Variants in BBS12 observed in about 807,000 individuals in gnomAD.
BBS12 encodes the protein Bardet-Biedl syndrome 12.
Under a neutral mutation model 5.6 loss-of-function variants are expected in BBS12, and 5 were observed. The observed-to-expected ratio is 0.89, with a 90% CI of 0.46 to 1.86. BBS12 has a LOEUF of 1.86. Ranked by LOEUF, BBS12 falls within the 40% of genes most tolerant of loss-of-function variation. The probability of loss-of-function intolerance (pLI) is 0.01; values close to 1 mark genes in which losing one functional copy is unlikely to be tolerated. For missense variants in BBS12, 748 were observed against 830.4 expected (o/e 0.90, Z 1.22); for synonymous variants, 308 against 306.8 (o/e 1.00, Z -0.04).
the BBS12 span, among the ~76,000 whole-genome samples, chr4:122,702,770 G>A: frequency 1.3e-5 from 2 of 152,300 alleles, no homozygotes; most frequent in South Asian, 2.1e-4. Flanking sequence ...AGGTCTGTAA[G>A]TCTGCCCTTC....
Position 122,743,666 on chromosome 4 carries a change from G to C in BBS12, c.1774G>C (p.Ala592Pro), listed in dbSNP as rs756497862. ...CAGACCAACTGTGCTTAAATTCCTG[G>C]CAAATGGATGGCAGAAATACCTTTC... ...IYRPTVLKFL[A>P]NGWQKYLSTL... is the part of the protein sequence containing the mutation. Residue 592 changes from alanine (A) to proline (P), a missense_variant, in exon 2 of 2, where the codon GCA becomes CCA. Ala to Pro is a conservative substitution (Grantham distance 27, BLOSUM62 -1). Coordinates refer to ENST00000314218, the MANE Select transcript of BBS12 (RefSeq NM_152618.3). The C allele has an allele frequency of 1.2e-6, 2 of 1,614,098 alleles. No homozygotes were observed. The highest frequency in any genetic ancestry group is 1.7e-6 in the Non-Finnish European group (2 of 1,180,014).
the BBS12 span, among the ~76,000 whole-genome samples, chr4:122,702,588 C>T: frequency 6.6e-6 from 1 of 152,304 alleles, no homozygotes; most frequent in South Asian, 2.1e-4. Context: ...GCATTGCAGG[C>T]TAAATGCCAT....
In BBS12 at chr4:122,743,939, G is replaced by C. The variant is rs961777240; in HGVS notation, c.2047G>C (p.Val683Leu). 1 of 1,612,076 alleles carries C rather than the reference G, an allele frequency of 6.2e-7. No homozygotes were observed. Among genetic ancestry groups the C allele is most frequent in the African/African-American group, 1.3e-5 (1 of 74,728 alleles). Residue 683 changes from valine to leucine, a missense_variant, in exon 2 of 2, where the codon GTA (valine) becomes CTA (leucine). Val to Leu is a conservative substitution (Grantham distance 32). Transcript: ENST00000314218. Reference protein sequence around the residue: ...WRRALDLVLLVLQTDSEIITG... With the variant: ...WRRALDLVLLLLQTDSEIITG... ...CCGAGCATTGGATTTAGTATTGTTA[G>C]TACTTCAGACAGACAGTGAAATAAT... is the stretch of plus-strand genomic sequence containing the variant.
intron 1 of BBS12, chr4:122,734,170 T>TAA (rs1800749471): frequency 6.6e-6 from 1 of 152,218 alleles, no homozygotes; most frequent in Admixed American, 6.5e-5. Flanking sequence ...AAATCCAAGA[T>TAA]AATTTTTGAG....
chr4:122,742,621 T>C lies in BBS12; in HGVS notation c.729T>C (p.Thr243=). The change falls in exon 2 of 2, where the codon ACT becomes ACC. Residue 243 remains threonine (T), a synonymous_variant. Coordinates refer to ENST00000314218, the MANE Select transcript of BBS12 (RefSeq NM_152618.3). ...GGCATTTTAATAGGACAGATAATAC[T>C]GAAGGGGTAAGCAAACCAGATGGAT... is the stretch of plus-strand genomic sequence containing the variant. The part of the protein sequence containing the change: ...HSRHFNRTDN[T]EGVSKPDGFQ... 1 of 1,614,210 alleles carries C rather than the reference T, an allele frequency of 6.2e-7. No individual in the cohort carries two copies. The highest frequency in any genetic ancestry group is 8.5e-7 in the Non-Finnish European group (1 of 1,180,032).
chr4:122,742,290 C>T lies in BBS12; in HGVS notation c.398C>T (p.Pro133Leu). 1 of 1,613,870 alleles carries T rather than the reference C, an allele frequency of 6.2e-7. No homozygotes were observed. The highest frequency in any genetic ancestry group is 8.5e-7 in the Non-Finnish European group (1 of 1,179,936). Residue 133 changes from proline to leucine, a missense_variant, in exon 2 of 2, where the codon CCT (proline) becomes CTT (leucine). Pro to Leu is a moderately conservative substitution (Grantham distance 98, BLOSUM62 -3). Transcript: ENST00000314218. ...CSEEVVSLHVPVHNIFDCMDS... is the reference protein window; with the variant it reads ...CSEEVVSLHVLVHNIFDCMDS... ...GAAGAGGTAGTTTCTCTTCATGTAC[C>T]TGTTCACAATATATTTGACTGTATG...
the BBS12 span, among the ~76,000 whole-genome samples, chr4:122,702,553 AGAG>A: frequency 6.6e-6 from 1 of 152,232 alleles, no homozygotes; most frequent in East Asian, 1.9e-4. Context: ...ATATTGGAAA[AGAG>A]GATGCTGGCT....
upstream of BBS12, chr4:122,731,399 C>G (rs576166951): frequency 7.2e-5 from 11 of 152,302 alleles, no homozygotes; most frequent in South Asian, 2.3e-3. Flanking sequence ...CTTCTCATTA[C>G]TACCCTGAAA....
the BBS12 span, among the ~76,000 whole-genome samples, chr4:122,726,436 T>C: frequency 4.6e-5 from 7 of 152,158 alleles, no homozygotes; most frequent in African/African-American, 1.7e-4. Context: ...GATGTTGGTG[T>C]GGATGCGGTG....
the BBS12 span, among the ~76,000 whole-genome samples, chr4:122,726,078 CT>C: frequency 6.6e-6 from 1 of 151,928 alleles, no homozygotes; most frequent in Non-Finnish European, 1.5e-5. Context: ...ATAGGTGGGA[CT>C]TAATTAAACT....
chr4:122,700,951 C>G, the BBS12 span, among the ~76,000 whole-genome samples: 4 of 152,164 alleles, frequency 2.6e-5, no homozygotes. Context: ...TTTTAGAAAA[C>G]CTACCATAGT....
the BBS12 span, among the ~76,000 whole-genome samples, chr4:122,712,189 T>A: frequency 1.3e-5 from 2 of 152,238 alleles, no homozygotes; most frequent in Non-Finnish European, 2.9e-5. Flanking sequence ...TGGCCTGTTG[T>A]GGAACTTTTC....
the BBS12 span, among the ~76,000 whole-genome samples, chr4:122,709,182 G>C: frequency 6.6e-6 from 1 of 152,122 alleles, no homozygotes; most frequent in African/African-American, 2.4e-5. Flanking sequence ...AAGAAAGGTA[G>C]ATCTTTATGT....
chr4:122,711,174 C>T, the BBS12 span, among the ~76,000 whole-genome samples: 3 of 152,148 alleles, frequency 2.0e-5, no homozygotes, highest in Admixed American at 6.5e-5. Flanking sequence ...TAAAACTTCT[C>T]TGTGTAGGCA....
chr4:122,718,118 G>T, the BBS12 span, among the ~76,000 whole-genome samples: 1 of 152,334 alleles, frequency 6.6e-6, no homozygotes, highest in Middle Eastern at 3.4e-3. Context: ...AGAGGAGGTA[G>T]AACAGTGCAT....
chr4:122,707,882 A>G, the BBS12 span, among the ~76,000 whole-genome samples: 4 of 152,060 alleles, frequency 2.6e-5, no homozygotes, highest in Non-Finnish European at 5.9e-5. Context: ...CCCAAAGGCC[A>G]GATACATCAC....
chr4:122,725,965 A>G, the BBS12 span, among the ~76,000 whole-genome samples: 2 of 152,056 alleles, frequency 1.3e-5, no homozygotes, highest in African/African-American at 4.8e-5. Context: ...GCGACTATAA[A>G]AATTCTAAAA....
At chr4:122,715,979 T>C in the BBS12 span, among the ~76,000 whole-genome samples, 5 of 152,232 alleles carry the variant, frequency 3.3e-5, no homozygotes, top group East Asian at 9.6e-4. Flanking sequence ...TAAACGGGTA[T>C]AATTGGGGTT....
At chr4:122,710,536 C>T in the BBS12 span, among the ~76,000 whole-genome samples, 1 of 152,102 alleles carries the variant, frequency 6.6e-6, no homozygotes, top group East Asian at 1.9e-4. Context: ...AGTATTTTTC[C>T]AGTTCTGCTG....
Sources: allele counts gnomAD v4.1 joint callset (sites outside exome capture counted in the v4.1 genomes callset), GRCh38; gene constraint gnomAD v4.1.1; transcripts MANE v1.5; gene names NCBI Gene and HGNC (gene_info 2026-07-23, HGNC 2026-07-21).